UGT1A9: variants seen among roughly 807,000 people sequenced by gnomAD.
UGT1A9 encodes UDP glucuronosyltransferase family 1 member A9, also known as UDP-glucuronosyltransferase 1A9.
In UGT1A9, 35 loss-of-function variants were observed where a neutral mutation model predicts 45.0. The observed-to-expected ratio is 0.78, with a 90% CI of 0.59 to 1.03. The LOEUF (loss-of-function observed/expected upper bound fraction) is 1.03. Among genes scored for constraint, UGT1A9 ranks in the 50% least tolerant of loss-of-function variants. UGT1A9 has a pLI of 0.00. For missense variants in UGT1A9, 687 were observed against 666.6 expected, an observed-to-expected ratio of 1.03 and a Z score of -0.34; for synonymous variants, 278 against 250.6, an observed-to-expected ratio of 1.11 and a Z score of -1.03.
intron 1 of UGT1A9, among the ~76,000 whole-genome samples, chr2:233,733,592 A>T (rs1213678980): frequency 6.6e-6 from 1 of 152,156 alleles, no homozygotes; most frequent in East Asian, 1.9e-4. Flanking sequence ...GGTTCTGTTT[A>T]TGTGATGGAT....
At chr2:233,696,958 A>G (rs1196242717) in intron 1 of UGT1A9, among the ~76,000 whole-genome samples, 2 of 152,210 alleles carry the variant, frequency 1.3e-5, no homozygotes, top group East Asian at 1.9e-4. Flanking sequence ...TCTTTTTAAC[A>G]TATTATTGGA....
intron 1 of UGT1A9, chr2:233,713,397 G>T (rs1559359368): frequency 5.0e-6 from 8 of 1,613,912 alleles, no homozygotes; most frequent in Non-Finnish European, 6.8e-6. Flanking sequence ...GCATAATGAG[G>T]CCCTGATCAG....
Position 233,672,717 on chromosome 2 carries a change from T to C in UGT1A9, c.783T>C (p.Tyr261=). The part of the protein sequence containing the change: ...WLLRTDFVLD[Y]PKPVMPNMIF... Reference sequence around the variant, plus strand: ...TGCGAACGGACTTTGTTTTGGACTATCCCAAACCCGTGATGCCCAACATGA... The same window carrying C: ...TGCGAACGGACTTTGTTTTGGACTACCCCAAACCCGTGATGCCCAACATGA... The change falls in exon 1 of 5, where the codon TAT becomes TAC. Residue 261 remains tyrosine, a synonymous_variant. Coordinates refer to ENST00000354728, the MANE Select transcript of UGT1A9 (RefSeq NM_021027.3). 6.2e-7 allele frequency: 1 copy of C among 1,613,942 alleles called. No individual in the cohort carries two copies. The highest frequency in any genetic ancestry group is 8.5e-7 in the Non-Finnish European group (1 of 1,179,846).
chr2:233,701,326 A>G lies in UGT1A9; in HGVS notation c.855+28537A>G, dbSNP rs191744336. 5.9e-5 allele frequency among the ~76,000 whole-genome samples: 9 copies of G among 152,314 alleles called. No homozygotes were observed. The East Asian group carries it at 1.5e-3, about 26-fold the overall frequency. On this transcript the variant is annotated intron_variant, in intron 1 of 4. Transcript: ENST00000354728. ...TTCCACAATGGTTGAACTAGTTTACAGTCCCACCAACAGTGTAAAAGTTCT... is the reference window on the plus strand; with the variant it reads ...TTCCACAATGGTTGAACTAGTTTACGGTCCCACCAACAGTGTAAAAGTTCT...
chr2:233,693,569 G>C, intron 1 of UGT1A9: 1 of 1,614,200 alleles, frequency 6.2e-7, no homozygotes, highest in Non-Finnish European at 8.5e-7. Context: ...CCCAGACCCT[G>C]TGTCCTACAT....
chr2:233,724,710 C>G (rs1205860523), intron 1 of UGT1A9, among the ~76,000 whole-genome samples: 2 of 144,674 alleles, frequency 1.4e-5, no homozygotes, highest in African/African-American at 5.2e-5. Context: ...TCCTCGCTTT[C>G]CAGACTGGGC....
At chr2:233,691,053 A>T in intron 1 of UGT1A9, 1 of 988,134 alleles carries the variant, frequency 1.0e-6, no homozygotes, top group Admixed American at 6.0e-5. Context: ...AGCAGAGTGG[A>T]GGTCTAGTAT....
At chr2:233,702,163 C>G (rs1426728251) in intron 1 of UGT1A9, among the ~76,000 whole-genome samples, 1 of 152,174 alleles carries the variant, frequency 6.6e-6, no homozygotes, top group East Asian at 1.9e-4. Context: ...TATTATCAGT[C>G]ACTCTTCTTT....
chr2:233,703,582 A>C (rs1020414492), intron 1 of UGT1A9, among the ~76,000 whole-genome samples: 3 of 152,068 alleles, frequency 2.0e-5, no homozygotes, highest in Admixed American at 6.5e-5. Flanking sequence ...GGTCTATATT[A>C]TCTTGCTTCA....
chr2:233,767,095 C>T lies in UGT1A9; in HGVS notation c.917C>T (p.Ser306Leu), dbSNP rs1301476253. The T allele has an allele frequency of 6.2e-7, 1 of 1,614,096 alleles. No homozygotes were observed. The highest frequency in any genetic ancestry group is 1.7e-5 in the Admixed American group (1 of 60,026). ...EHGIVVFSLG[S>L]MVSEIPEKKA... Reference sequence around the variant, plus strand: ...GGAATTGTGGTTTTCTCTTTGGGATCAATGGTCTCAGAAATTCCAGAGAAG... The same window carrying T: ...GGAATTGTGGTTTTCTCTTTGGGATTAATGGTCTCAGAAATTCCAGAGAAG... Residue 306 changes from serine (S) to leucine (L), a missense_variant, in exon 2 of 5, where the codon TCA (serine) becomes TTA (leucine). By Grantham distance (145) the Ser-to-Leu change is moderately radical (BLOSUM62 -2). Coordinates refer to ENST00000354728, the MANE Select transcript of UGT1A9 (RefSeq NM_021027.3).
At chr2:233,686,180 A>G (rs137930164) in intron 1 of UGT1A9, among the ~76,000 whole-genome samples, 1 of 152,272 alleles carries the variant, frequency 6.6e-6, no homozygotes, top group African/African-American at 2.4e-5. Context: ...AAAATCTAAA[A>G]CTGTAAAACT....
At chr2:233,676,336 T>A (rs540806557) in intron 1 of UGT1A9, among the ~76,000 whole-genome samples, 17 of 152,286 alleles carry the variant, frequency 1.1e-4, no homozygotes, top group African/African-American at 4.1e-4. Flanking sequence ...TTACAAATAC[T>A]TCATTGTAGA....
chr2:233,739,587 GCCTATAGCC>G (rs1691150074), intron 1 of UGT1A9, among the ~76,000 whole-genome samples: 1 of 152,224 alleles, frequency 6.6e-6, no homozygotes, highest in Non-Finnish European at 1.5e-5. Flanking sequence ...CTTGCATGGG[GCCTATAGCC>G]CCTTTGTTTT....
chr2:233,684,753 G>T (rs1333978676), intron 1 of UGT1A9, among the ~76,000 whole-genome samples: 1 of 152,046 alleles, frequency 6.6e-6, no homozygotes, highest in African/African-American at 2.4e-5. Context: ...TATCAAAGAA[G>T]AATTCAGATC....
chr2:233,684,837 T>G (rs2074703951), intron 1 of UGT1A9, among the ~76,000 whole-genome samples: 1 of 152,230 alleles, frequency 6.6e-6, no homozygotes, highest in Non-Finnish European at 1.5e-5. Context: ...GAAAAATTTA[T>G]GGACACTGTA....
intron 1 of UGT1A9, chr2:233,743,979 A>C (rs1692622611): frequency 3.1e-6 from 4 of 1,306,002 alleles, no homozygotes; most frequent in African/African-American, 1.5e-5. Flanking sequence ...GCCAGCACCC[A>C]GGCGCAGGCC....
chr2:233,689,713 G>A (rs1559343774), intron 1 of UGT1A9, among the ~76,000 whole-genome samples: 1 of 152,132 alleles, frequency 6.6e-6, no homozygotes, highest in African/African-American at 2.4e-5. Flanking sequence ...CCTTATCTGA[G>A]GTCTGCCTGC....
rs776415192 is a variant in UGT1A9, at chr2:233,712,958, G to T, written c.855+40169G>T. 4.3e-6 allele frequency: 7 copies of T among 1,612,878 alleles called. No homozygotes were observed. In the Admixed American group the frequency reaches 1.2e-4, roughly 27 times the overall value. ...AACAATTCTAGGAGGCACAACGTGG[G>T]GTGGACAGTCAGCTGTCGGTGGCTT... On this transcript the variant is annotated intron_variant, in intron 1 of 4. Coordinates refer to ENST00000354728, the MANE Select transcript of UGT1A9 (RefSeq NM_021027.3).
rs369434439 is a variant in UGT1A9, at chr2:233,680,893, C to G, written c.855+8104C>G. Among the ~76,000 whole-genome samples the G allele has an allele frequency of 3.9e-5, 6 of 152,108 alleles. No individual in the cohort carries two copies. In the East Asian group the frequency reaches 9.8e-4, roughly 25 times the overall value. On this transcript the variant is annotated intron_variant, in intron 1 of 4. Transcript: ENST00000354728. ...GGGCAAGCATAGGGACGGCGACTCA[C>G]CACTGCAGACAATGTATCTGAGGAA...
Sources: gnomAD v4.1 joint callset for allele counts (sites outside exome capture counted in the v4.1 genomes callset) on GRCh38, gnomAD v4.1.1 for gene constraint, MANE v1.5 for transcripts, NCBI Gene and HGNC (gene_info 2026-07-23, HGNC 2026-07-21) for gene names.